Variants in PNPLA3 observed in about 807,000 individuals in gnomAD.
PNPLA3 encodes the protein patatin like domain 3, 1-acylglycerol-3-phosphate O-acyltransferase.
PNPLA3 carries 42 observed loss-of-function variants against 43.1 expected under a neutral mutation model. That is an observed-to-expected ratio of 0.97 (90% CI 0.76 to 1.26). PNPLA3 has a LOEUF of 1.26. Ranked by LOEUF, PNPLA3 falls within the 50% of genes most tolerant of loss-of-function variation. The pLI is 0.00. For synonymous variants in PNPLA3, 272 were observed against 253.6 expected (o/e 1.07, Z -0.69); for missense variants, 647 against 621.4 (o/e 1.04, Z -0.44).
intron 1 of PNPLA3, 184 bp downstream of exon 1, chr22:43,924,282 C>A: frequency 1.4e-6 from 1 of 739,088 alleles, no homozygotes; most frequent in East Asian, 3.4e-5. Flanking sequence ...TTCCTGGGCC[C>A]GGGAAGGGGG....
rs1476749207 is a variant in PNPLA3 at position 43,935,638 on chromosome 22, T to A, written c.757+972T>A. ...CGAGGCCTGTAGGACACAGACAGGA[T>A]GGCATGAAGGCCTGTGCAACTGGAG... On this transcript the variant is annotated intron_variant, in intron 5 of 8. Transcript: ENST00000216180. Among the ~76,000 whole-genome samples the A allele has an allele frequency of 3.5e-5, 5 of 141,942 alleles. No individual in the cohort carries two copies. The South Asian group carries it at 1.1e-3, about 31-fold the overall frequency. 93.1% of individuals were successfully genotyped at this position (141,942 alleles called of 152,430 possible). A position where few individuals can be genotyped will look rare whatever the true frequency, so the allele number is the denominator to read the frequency against.
chr22:43,936,862 G>T (rs1253643785), intron 5 of PNPLA3, among the ~76,000 whole-genome samples, 189 bp from the exon 6 acceptor site: 3 of 152,210 alleles, frequency 2.0e-5, no homozygotes, highest in Admixed American at 1.3e-4. Context: ...CGTGTGTCCT[G>T]CTTTAAAGCC....
rs2049925610 is a variant in PNPLA3 at position 43,926,806 on chromosome 22, C to T, written c.188-129C>T. ...TCAAGGGCGTGATAGCCACATGTGGCTCCCATAGTAGACAGTACTGGTCTA... is the reference window on the plus strand; with the variant it reads ...TCAAGGGCGTGATAGCCACATGTGGTTCCCATAGTAGACAGTACTGGTCTA... On this transcript the variant is annotated intron_variant, in intron 1 of 8. Coordinates refer to ENST00000216180, the MANE Select transcript of PNPLA3 (RefSeq NM_025225.3). The T allele has an allele frequency of 5.7e-6, 4 of 707,454 alleles. No homozygotes were observed. The South Asian group carries it at 7.3e-5, about 13-fold the overall frequency. The allele number at this position is 707,454 out of a possible 1,614,324, so 43.8% of individuals were successfully genotyped here. A position where few individuals can be genotyped will look rare whatever the true frequency, so the allele number is the denominator to read the frequency against.
At chr22:43,925,392 G>A (rs1174892777) in intron 1 of PNPLA3, among the ~76,000 whole-genome samples, 1 of 152,164 alleles carries the variant, frequency 6.6e-6, no homozygotes, top group African/African-American at 2.4e-5. Context: ...AGGCGAGGAG[G>A]GGGTTGTGAG....
In PNPLA3 at chr22:43,937,143, G is replaced by A. The variant is rs375072313; in HGVS notation, c.850G>A (p.Asp284Asn). Residue 284 changes from aspartate to asparagine, a missense_variant, in exon 6 of 9, where the codon GAT becomes AAT. Transcript: ENST00000216180. ...AMPSWANMSL[D>N]SSPESAALAV... ...GCCCAGCTGGGCAAACATGAGTCTG[G>A]ATTCTTCCCCGGAGTCGGCTGCCTT... 9 of 1,614,056 alleles carry A rather than the reference G, an allele frequency of 5.6e-6. No homozygotes were observed. In the African/African-American group the frequency reaches 1.2e-4, roughly 22 times the overall value.
At chr22:43,924,393 C>G (rs1001770313) in intron 1 of PNPLA3, 1 of 399,508 alleles carries the variant, frequency 2.5e-6, no homozygotes, top group African/African-American at 2.1e-5. Context: ...CCCTCACCTC[C>G]GGACTGAGAG....
chr22:43,934,078 A>C (rs985717424), intron 4 of PNPLA3, among the ~76,000 whole-genome samples: 1 of 152,092 alleles, frequency 6.6e-6, no homozygotes, highest in Admixed American at 6.5e-5. Flanking sequence ...GCACTTTGGG[A>C]GGCTGAGGCA....
At chr22:43,926,795 G>A (rs2049925453) in intron 1 of PNPLA3, 140 bp from the exon 2 acceptor site, 2 of 662,792 alleles carry the variant, frequency 3.0e-6, no homozygotes, top group Non-Finnish European at 5.2e-6. Context: ...GGGCGTGATA[G>A]CCACATGTGG....
intron 1 of PNPLA3, among the ~76,000 whole-genome samples, chr22:43,925,145 A>T (rs1474027894): frequency 4.6e-5 from 7 of 150,648 alleles, no homozygotes. Flanking sequence ...ATCCCTGGAC[A>T]CCCCCCAATC....
At chr22:43,935,328 A>T (rs1603416609) in intron 5 of PNPLA3, among the ~76,000 whole-genome samples, 1 of 152,206 alleles carries the variant, frequency 6.6e-6, no homozygotes, top group East Asian at 1.9e-4. Flanking sequence ...GAAAATGTTC[A>T]TTGCTGTGTG....
At chr22:43,939,660 C>CA (rs1338220509) in intron 6 of PNPLA3, among the ~76,000 whole-genome samples, 1 of 152,064 alleles carries the variant, frequency 6.6e-6, no homozygotes, top group Non-Finnish European at 1.5e-5. Context: ...ACTAAAAATA[C>CA]AAAAAATTAG....
In PNPLA3 at chr22:43,937,112, C is replaced by G; in HGVS notation, c.819C>G (p.Val273=). The change falls in exon 6 of 9, where the codon GTC becomes GTG. Residue 273 remains valine, a synonymous_variant. Transcript: ENST00000216180. ...KSSSEGMDPE[V]AMPSWANMSL... is the part of the protein sequence containing the mutation. ...CCTCAGAAGGGATGGATCCTGAGGT[C>G]GCCATGCCCAGCTGGGCAAACATGA... The G allele has an allele frequency of 6.2e-7, 1 of 1,614,126 alleles. No individual in the cohort carries two copies. Among genetic ancestry groups the G allele is most frequent in the Non-Finnish European group, 8.5e-7 (1 of 1,180,048 alleles).
intron 7 of PNPLA3, among the ~76,000 whole-genome samples, chr22:43,941,177 A>C (rs1488994669): frequency 6.6e-6 from 1 of 150,404 alleles, no homozygotes; most frequent in Non-Finnish European, 1.5e-5. Flanking sequence ...AAATCAAATC[A>C]CATGAAAGTA....
Position 43,923,889 on chromosome 22 carries a change from G to A in PNPLA3, c.-23G>A. On this transcript the variant is annotated 5_prime_UTR_variant, in exon 1 of 9. Transcript: ENST00000216180. Reference sequence around the variant, plus strand: ...GATCCCGACCCAGATCCTAACCCGCGCCCCCGCCCCGCCGCCGCCGCCATG... The same window carrying A: ...GATCCCGACCCAGATCCTAACCCGCACCCCCGCCCCGCCGCCGCCGCCATG... The A allele has an allele frequency of 1.3e-6, 2 of 1,486,892 alleles. No individual in the cohort carries two copies. The highest frequency in any genetic ancestry group is 1.3e-5 in the South Asian group (1 of 76,242). 92.1% of individuals were successfully genotyped at this position (1,486,892 alleles called of 1,614,324 possible).
At chr22:43,938,050 G>T (rs1233543660) in intron 6 of PNPLA3, among the ~76,000 whole-genome samples, 1 of 152,142 alleles carries the variant, frequency 6.6e-6, no homozygotes, top group Non-Finnish European at 1.5e-5. Flanking sequence ...TCAGAAGGTG[G>T]TGTCTATGAA....
intron 6 of PNPLA3, among the ~76,000 whole-genome samples, chr22:43,938,494 G>A (rs1311624499): frequency 6.6e-6 from 1 of 152,218 alleles, no homozygotes; most frequent in Non-Finnish European, 1.5e-5. Flanking sequence ...AATCATGGCA[G>A]AAGGTGAACG....
At chr22:43,936,212 G>A (rs1206244917) in intron 5 of PNPLA3, among the ~76,000 whole-genome samples, 2 of 152,074 alleles carry the variant, frequency 1.3e-5, no homozygotes, top group East Asian at 3.9e-4. Flanking sequence ...CAGATACCTG[G>A]CAATATTCCT....
At position 43,926,988 on chromosome 22, in the gene PNPLA3, A is replaced by G; in HGVS notation, c.241A>G (p.Ile81Val). 6.2e-7 allele frequency: 1 copy of G among 1,614,242 alleles called. No individual in the cohort carries two copies. The highest frequency in any genetic ancestry group is 8.5e-7 in the Non-Finnish European group (1 of 1,180,042). Residue 81 changes from isoleucine to valine, a missense_variant, in exon 2 of 9, where the codon ATT becomes GTT. By Grantham distance (29) the Ile-to-Val change is conservative (BLOSUM62 3). Transcript: ENST00000216180. ...DLVRKARSRN[I>V]GIFHPSFNLS... Reference sequence around the variant, plus strand: ...TGTGCGGAAGGCCAGGAGTCGGAACATTGGCATCTTCCATCCATCCTTCAA... The same window carrying G: ...TGTGCGGAAGGCCAGGAGTCGGAACGTTGGCATCTTCCATCCATCCTTCAA...
At chr22:43,937,990 T>C (rs1029089706) in intron 6 of PNPLA3, among the ~76,000 whole-genome samples, 1 of 152,110 alleles carries the variant, frequency 6.6e-6, no homozygotes, top group African/African-American at 2.4e-5. Context: ...TTGGTGCCCT[T>C]ATTAAACAGA....
Sources: allele counts gnomAD v4.1 joint callset (sites outside exome capture counted in the v4.1 genomes callset), GRCh38; gene constraint gnomAD v4.1.1; transcripts MANE v1.5; gene names NCBI Gene and HGNC (gene_info 2026-07-23, HGNC 2026-07-21).